Variants in NUP107 observed in about 807,000 individuals in gnomAD.
NUP107 encodes nucleoporin 107.
NUP107 carries 101 observed loss-of-function variants against 141.0 expected under a neutral mutation model. That is an observed-to-expected ratio of 0.72 (90% CI 0.61 to 0.84). The LOEUF is 0.84. Ranked by LOEUF, NUP107 falls within the 40% of genes least tolerant of loss-of-function variation. The pLI, the probability that NUP107 is intolerant of heterozygous loss-of-function variation, is 0.00. For missense variants in NUP107, 941 were observed against 1,102.7 expected (o/e 0.85, Z 2.08); for synonymous variants, 319 against 363.9 (o/e 0.88, Z 1.41).
chr12:68,691,055 A>T (rs894561785), intron 4 of NUP107, among the ~76,000 whole-genome samples: 5 of 152,240 alleles, frequency 3.3e-5, no homozygotes, highest in African/African-American at 9.6e-5. Flanking sequence ...AAAAAAAGAG[A>T]AAAAAGAACT....
At chr12:68,742,077 C>T in intron 27 of NUP107, 97 bp downstream of exon 27, 1 of 1,006,458 alleles carries the variant, frequency 9.9e-7, no homozygotes, top group South Asian at 2.0e-5. Flanking sequence ...TGTAATTGCT[C>T]TTGGATTTTC....
At chr12:68,707,187 C>T in intron 8 of NUP107, 1 of 456,630 alleles carries the variant, frequency 2.2e-6, no homozygotes, top group South Asian at 3.3e-5. Context: ...AGCCCTCTGC[C>T]CACCCGTGGG....
At chr12:68,742,290 G>A in intron 27 of NUP107, 65 bp from the exon 28 acceptor site, 1 of 1,017,938 alleles carries the variant, frequency 9.8e-7, no homozygotes, top group Non-Finnish European at 1.5e-6. Flanking sequence ...GATCGATTAG[G>A]TAACTAAGTT....
Position 68,738,954 on chromosome 12 carries a change from CTTTTG to C in NUP107, c.2503-2851_2503-2847del, listed in dbSNP as rs200022615. On this transcript the variant is annotated intron_variant, in intron 26 of 27. Coordinates refer to ENST00000229179, the MANE Select transcript of NUP107 (RefSeq NM_020401.4). ...TTCTTGATGTACAAGAGTATACATA[CTTTTG>C]TTTTGTTCTTTTTTTTTTAAACTAA... is the stretch of plus-strand genomic sequence containing the variant. Among the ~76,000 whole-genome samples the C allele has an allele frequency of 8.5e-3, 1,275 of 149,998 alleles. 37 individuals are homozygous for C. The East Asian group carries it at 0.1, about 12-fold the overall frequency.
intron 11 of NUP107, chr12:68,714,358 A>G (rs1302708552): frequency 2.0e-5 from 3 of 152,230 alleles, no homozygotes; most frequent in Admixed American, 1.3e-4. Flanking sequence ...GTTTGGGAAA[A>G]AGAAAAAGAA....
At chr12:68,714,425 T>C (rs1199679785) in intron 11 of NUP107, 1 of 152,236 alleles carries the variant, frequency 6.6e-6, no homozygotes, top group Non-Finnish European at 1.5e-5. Context: ...AATTACATTG[T>C]AGCAGGCAAC....
chr12:68,700,339 C>T (rs1051823434), intron 6 of NUP107, among the ~76,000 whole-genome samples: 1 of 152,152 alleles, frequency 6.6e-6, no homozygotes, highest in Admixed American at 6.5e-5. Flanking sequence ...AATTTTCAAA[C>T]ACAATTTTAA....
intron 22 of NUP107, among the ~76,000 whole-genome samples, chr12:68,731,997 T>G (rs540827070): frequency 3.9e-5 from 6 of 152,228 alleles, no homozygotes; most frequent in Non-Finnish European, 7.3e-5. Flanking sequence ...TTATGTAGCT[T>G]GCTTACTCAT....
At chr12:68,703,249 TAG>T (rs1378404190) in intron 8 of NUP107, among the ~76,000 whole-genome samples, 2 of 152,178 alleles carry the variant, frequency 1.3e-5, no homozygotes, top group Non-Finnish European at 2.9e-5. Flanking sequence ...TGATTTATAT[TAG>T]AGAGTTAGAG....
At chr12:68,728,145 A>G (rs4913464) in intron 20 of NUP107, among the ~76,000 whole-genome samples, 130,082 of 151,754 alleles carry the variant, frequency 0.86, 55,938 homozygotes, top group Non-Finnish European at 0.89. Context: ...TTAAATTAGC[A>G]GGGCACAGTG....
intron 2 of NUP107, 117 bp downstream of exon 2, chr12:68,689,170 C>A (rs1305584065): frequency 1.5e-6 from 1 of 654,742 alleles, no homozygotes; most frequent in East Asian, 3.0e-5. Context: ...CCTGTAGAAA[C>A]TTTTTTTCAC....
chr12:68,719,653 A>T lies in NUP107; in HGVS notation c.1250A>T (p.Asp417Val). ...WKISCWRMAE[D>V]ELFNRYERAI... Reference sequence around the variant, plus strand: ...ATAAGTTGCTGGAGAATGGCAGAAGATGTAAGATAAATAAAATATTCAGTG... The same window carrying T: ...ATAAGTTGCTGGAGAATGGCAGAAGTTGTAAGATAAATAAAATATTCAGTG... Residue 417 changes from aspartate (D) to valine (V), a missense_variant and splice_region_variant, in exon 14 of 28, where the codon GAT becomes GTT. Asp to Val is a radical substitution (Grantham distance 152, BLOSUM62 -3). Transcript: ENST00000229179. The T allele has an allele frequency of 6.3e-7, 1 of 1,596,306 alleles. No homozygotes were observed. The highest frequency in any genetic ancestry group is 8.6e-7 in the Non-Finnish European group (1 of 1,163,884).
chr12:68,710,837 A>C (rs1876819031), intron 10 of NUP107, among the ~76,000 whole-genome samples: 1 of 152,228 alleles, frequency 6.6e-6, no homozygotes. Context: ...TAGGTTATAT[A>C]CAAATAATAC....
At chr12:68,693,059 T>A (rs1401253230) in intron 5 of NUP107, among the ~76,000 whole-genome samples, 1 of 150,522 alleles carries the variant, frequency 6.6e-6, no homozygotes, top group African/African-American at 2.4e-5. Flanking sequence ...CGCCAGCTAA[T>A]TTTTTATTTA....
intron 18 of NUP107, 105 bp from the exon 19 acceptor site, chr12:68,726,394 G>C: frequency 1.4e-6 from 1 of 701,808 alleles, no homozygotes; most frequent in Non-Finnish European, 2.5e-6. Flanking sequence ...TTATGAGACA[G>C]TGACTTGAAA....
intron 10 of NUP107, among the ~76,000 whole-genome samples, 160 bp from the exon 11 acceptor site, chr12:68,713,570 A>G (rs1413088820): frequency 2.6e-5 from 4 of 152,116 alleles, no homozygotes; most frequent in Non-Finnish European, 5.9e-5. Flanking sequence ...CCTCAACACC[A>G]TTAGTCATCT....
intron 24 of NUP107, among the ~76,000 whole-genome samples, chr12:68,734,346 G>A (rs1301467453): frequency 6.6e-6 from 1 of 152,106 alleles, no homozygotes; most frequent in African/African-American, 2.4e-5. Context: ...CAGTGGGTTA[G>A]GTAGTAGGGC....
chr12:68,713,431 C>G (rs1262106572), intron 10 of NUP107, among the ~76,000 whole-genome samples: 1 of 148,520 alleles, frequency 6.7e-6, no homozygotes, highest in African/African-American at 2.5e-5. Context: ...AAGCCACAGA[C>G]TGGGATGTGT....
At position 68,745,142 on chromosome 12, in the gene NUP107, C is replaced by T. The variant is rs1486744738; in HGVS notation, c.*2680C>T. On this transcript the variant is annotated 3_prime_UTR_variant, in exon 28 of 28. Coordinates refer to ENST00000229179, the MANE Select transcript of NUP107 (RefSeq NM_020401.4). ...TGTTGCCCATCCCGGCTTCCAACTC[C>T]TGGGCTCAAGCAATCCTCCCACGTC... The T allele has an allele frequency of 6.6e-6, 1 of 152,300 alleles. No individual in the cohort carries two copies. Among genetic ancestry groups the T allele is most frequent in the Middle Eastern group, 3.4e-3 (1 of 294 alleles). 9.4% of individuals were successfully genotyped at this position (152,300 alleles called of 1,614,324 possible).
Sources: allele counts gnomAD v4.1 joint callset (sites outside exome capture counted in the v4.1 genomes callset), GRCh38; gene constraint gnomAD v4.1.1; transcripts MANE v1.5; gene names NCBI Gene and HGNC (gene_info 2026-07-23, HGNC 2026-07-21).